The following TBCA variants were observed in gnomAD, a reference collection of about 807,000 sequenced individuals.
TBCA encodes the protein tubulin folding cofactor A.
TBCA carries 6 observed loss-of-function variants against 15.8 expected under a neutral mutation model. That is an observed-to-expected ratio of 0.38 (90% CI 0.21 to 0.75). The LOEUF (loss-of-function observed/expected upper bound fraction) is 0.75, where lower values mean the gene tolerates loss of function less well. Among genes scored for constraint, TBCA ranks in the 30% least tolerant of loss-of-function variants. The pLI is 0.46. For synonymous variants in TBCA, 32 were observed against 42.3 expected (o/e 0.76, Z 0.94); for missense variants, 90 against 131.2 (o/e 0.69, Z 1.53).
At chr5:77,741,835 T>G (rs2112480977) in intron 1 of TBCA, among the ~76,000 whole-genome samples, 1 of 152,250 alleles carries the variant, frequency 6.6e-6, no homozygotes, top group African/African-American at 2.4e-5. Context: ...CCTGAGCTAC[T>G]CTGAATATCC....
intron 2 of TBCA, among the ~76,000 whole-genome samples, chr5:77,704,559 G>T (rs399868): frequency 0.38 from 58,275 of 151,934 alleles, 11,228 homozygotes; most frequent in South Asian, 0.41. Flanking sequence ...GCACTTGGCT[G>T]TCTTGATATT....
At chr5:77,712,712 T>C (rs1416008995) in intron 1 of TBCA, among the ~76,000 whole-genome samples, 1 of 152,198 alleles carries the variant, frequency 6.6e-6, no homozygotes, top group Admixed American at 6.5e-5. Context: ...AAGTGTAACC[T>C]CAAATGAGAT....
chr5:77,772,534 T>C (rs1041178016), intron 1 of TBCA, among the ~76,000 whole-genome samples: 30 of 152,104 alleles, frequency 2.0e-4, no homozygotes, highest in African/African-American at 7.2e-4. Flanking sequence ...GAAAGAGTCA[T>C]AGCAAAATAA....
At chr5:77,700,328 A>T (rs1420881634) in intron 2 of TBCA, among the ~76,000 whole-genome samples, 1 of 152,204 alleles carries the variant, frequency 6.6e-6, no homozygotes, top group African/African-American at 2.4e-5. Flanking sequence ...TGTGTCTAGT[A>T]TATACAATGA....
chr5:77,697,526 T>G (rs1745898977), intron 2 of TBCA, among the ~76,000 whole-genome samples: 1 of 151,696 alleles, frequency 6.6e-6, no homozygotes, highest in Non-Finnish European at 1.5e-5. Context: ...AAGTAGCCCA[T>G]GGGCCAAAAA....
chr5:77,725,906 T>C (rs1050096200), intron 1 of TBCA, among the ~76,000 whole-genome samples: 1 of 152,208 alleles, frequency 6.6e-6, no homozygotes, highest in Admixed American at 6.5e-5. Flanking sequence ...CCCTTGATCT[T>C]AATTTCTTAT....
intron 1 of TBCA, among the ~76,000 whole-genome samples, chr5:77,736,933 C>A (rs1746922479): frequency 1.3e-5 from 2 of 152,174 alleles, no homozygotes; most frequent in Non-Finnish European, 2.9e-5. Context: ...AGAGATTTAA[C>A]ATTCAGTAAC....
At chr5:77,723,134 G>A (rs911760631) in intron 1 of TBCA, among the ~76,000 whole-genome samples, 1 of 151,618 alleles carries the variant, frequency 6.6e-6, no homozygotes, top group African/African-American at 2.4e-5. Flanking sequence ...TATAATGGCT[G>A]ATGAAATGGG....
At chr5:77,738,983 T>C (rs1746972439) in intron 1 of TBCA, among the ~76,000 whole-genome samples, 1 of 152,234 alleles carries the variant, frequency 6.6e-6, no homozygotes. Context: ...CCCAGTGGAC[T>C]GTGATCAGCT....
chr5:77,709,532 T>C (rs920762953), intron 1 of TBCA, among the ~76,000 whole-genome samples: 3 of 152,192 alleles, frequency 2.0e-5, no homozygotes, highest in Admixed American at 1.3e-4. Context: ...CATCTGGCTG[T>C]TGGCAAGATG....
chr5:77,728,048 A>C lies in TBCA; in HGVS notation c.54-19701T>G, dbSNP rs138950869. On this transcript the variant is annotated intron_variant, in intron 1 of 3. Coordinates refer to ENST00000380377, the MANE Select transcript of TBCA (RefSeq NM_004607.3). The stretch of plus-strand genomic sequence containing the variant: ...TTTTTTAAGAGTTCATTCCCTCCTC[A>C]GAAGCAAAGATAAATATTTAGTAAA... 7.7e-4 allele frequency among the ~76,000 whole-genome samples: 117 copies of C among 152,302 alleles called. 3 individuals carry two copies. In the East Asian group the frequency reaches 0.012, roughly 16 times the overall value.
chr5:77,768,954 A>G (rs1018219335), intron 1 of TBCA, among the ~76,000 whole-genome samples: 28 of 152,250 alleles, frequency 1.8e-4, no homozygotes, highest in African/African-American at 6.5e-4. Flanking sequence ...ATGCAATGAA[A>G]AAACAAAACA....
chr5:77,707,363 G>A (rs530815680), intron 2 of TBCA, among the ~76,000 whole-genome samples: 9 of 152,198 alleles, frequency 5.9e-5, no homozygotes, highest in Admixed American at 2.6e-4. Context: ...AGTGTTATGG[G>A]AGCAAAAAGG....
intron 1 of TBCA, among the ~76,000 whole-genome samples, chr5:77,729,860 T>C (rs1746722625): frequency 6.6e-6 from 1 of 152,256 alleles, no homozygotes; most frequent in Admixed American, 6.5e-5. Flanking sequence ...AATAGTGTAG[T>C]AATATAAGAC....
chr5:77,714,767 C>T (rs1447504750), intron 1 of TBCA, among the ~76,000 whole-genome samples: 3 of 151,942 alleles, frequency 2.0e-5, no homozygotes, highest in Non-Finnish European at 4.4e-5. Flanking sequence ...GGAGTTTCAC[C>T]GTGTTAGCCA....
chr5:77,702,548 G>T (rs1018347722), intron 2 of TBCA, among the ~76,000 whole-genome samples: 2 of 152,182 alleles, frequency 1.3e-5, no homozygotes, highest in African/African-American at 2.4e-5. Context: ...GGAGCTTTGC[G>T]ATGGAACAGT....
chr5:77,749,544 T>C (rs1747269226), intron 1 of TBCA, among the ~76,000 whole-genome samples: 1 of 152,246 alleles, frequency 6.6e-6, no homozygotes, highest in Admixed American at 6.5e-5. Context: ...AACTGTACTG[T>C]CTTACAGTGT....
chr5:77,717,606 T>C (rs2662380), intron 1 of TBCA, among the ~76,000 whole-genome samples: 1 of 148,588 alleles, frequency 6.7e-6, no homozygotes, highest in Non-Finnish European at 1.5e-5. Flanking sequence ...AAGGTGGGCG[T>C]ATCACCTGAG....
At chr5:77,733,445 G>A (rs1007300405) in intron 1 of TBCA, among the ~76,000 whole-genome samples, 3 of 152,174 alleles carry the variant, frequency 2.0e-5, no homozygotes, top group Non-Finnish European at 4.4e-5. Context: ...GTGAACACAC[G>A]AATGATAATA....
Sources: allele counts gnomAD v4.1 joint callset (sites outside exome capture counted in the v4.1 genomes callset), GRCh38; gene constraint gnomAD v4.1.1; transcripts MANE v1.5; gene names NCBI Gene and HGNC (gene_info 2026-07-23, HGNC 2026-07-21).